The following FOXK2 variants were observed in gnomAD, a reference collection of about 807,000 sequenced individuals.
FOXK2 encodes the protein forkhead box K2, also known as forkhead box protein K2.
FOXK2 carries 24 observed loss-of-function variants against 53.3 expected under a neutral mutation model. That is an observed-to-expected ratio of 0.45 (90% CI 0.33 to 0.63). The LOEUF (loss-of-function observed/expected upper bound fraction) is 0.63, where lower values mean the gene tolerates loss of function less well. FOXK2 is among the 30% of genes least tolerant of loss of function. The pLI, the probability that FOXK2 is intolerant of heterozygous loss-of-function variation, is 0.03. For synonymous variants in FOXK2, 505 were observed against 407.1 expected (o/e 1.24, Z -2.89); for missense variants, 952 against 910.5 (o/e 1.05, Z -0.59).
In FOXK2 at chr17:82,584,086, C is replaced by A. The variant is rs1381400865; in HGVS notation, c.1177C>A (p.Leu393Met). Residue 393 changes from leucine (L) to methionine (M), a missense_variant, in exon 6 of 9, where the codon CTG becomes ATG. By Grantham distance (15) the Leu-to-Met change is conservative (BLOSUM62 2). Transcript: ENST00000335255. ...TAGTGGCGCCCAGACCCCTGAGAGCCTGTCGAGGGAAGGTTCGCCGGCCCC... is the reference window on the plus strand; with the variant it reads ...TAGTGGCGCCCAGACCCCTGAGAGCATGTCGAGGGAAGGTTCGCCGGCCCC... ...HSSGAQTPESLSREGSPAPLE... is the reference protein window; with the variant it reads ...HSSGAQTPESMSREGSPAPLE... 1.2e-6 allele frequency: 2 copies of A among 1,611,916 alleles called. No individual in the cohort carries two copies. Among genetic ancestry groups the A allele is most frequent in the South Asian group, 2.2e-5 (2 of 91,024 alleles).
chr17:82,544,152 AT>A (rs1161529064), intron 1 of FOXK2, among the ~76,000 whole-genome samples: 5 of 152,018 alleles, frequency 3.3e-5, no homozygotes, highest in Admixed American at 2.0e-4. Flanking sequence ...GGCTCAGTTG[AT>A]CCTCCCACTT....
At chr17:82,585,799 A>G in intron 6 of FOXK2, 105 bp from the exon 7 acceptor site, 2 of 1,153,674 alleles carry the variant, frequency 1.7e-6, no homozygotes, top group East Asian at 2.5e-5. Flanking sequence ...CATATCCTAT[A>G]TTTTAAATTA....
At chr17:82,574,692 C>A (rs539758571) in intron 4 of FOXK2, among the ~76,000 whole-genome samples, 1 of 152,336 alleles carries the variant, frequency 6.6e-6, no homozygotes, top group Admixed American at 6.5e-5. Flanking sequence ...ACGGGCTCTT[C>A]CTGTGCCATG....
At chr17:82,548,887 C>T (rs1460218235) in intron 1 of FOXK2, among the ~76,000 whole-genome samples, 1 of 152,096 alleles carries the variant, frequency 6.6e-6, no homozygotes, top group Non-Finnish European at 1.5e-5. Context: ...GGAGCGGTTG[C>T]GTCTCGATGC....
chr17:82,540,608 C>T (rs1269343662), intron 1 of FOXK2, among the ~76,000 whole-genome samples: 1 of 152,176 alleles, frequency 6.6e-6, no homozygotes, highest in African/African-American at 2.4e-5. Flanking sequence ...GTAACCCTTT[C>T]CTTCCTCCCA....
At chr17:82,574,771 A>T (rs983065547) in intron 4 of FOXK2, among the ~76,000 whole-genome samples, 10 of 152,198 alleles carry the variant, frequency 6.6e-5, no homozygotes, top group African/African-American at 2.4e-4. Flanking sequence ...GGCTTACAAC[A>T]AAAGCCAGGT....
Position 82,564,757 on chromosome 17 carries a change from G to A in FOXK2, c.614+1209G>A, listed in dbSNP as rs140837400. Reference sequence around the variant, plus strand: ...TGGTTTTTTTTTTTTTTGAGATGGAGTTTCACCCTTTTTGCCCAGGCTGGA... The same window carrying A: ...TGGTTTTTTTTTTTTTTGAGATGGAATTTCACCCTTTTTGCCCAGGCTGGA... On this transcript the variant is annotated intron_variant, in intron 2 of 8. Transcript: ENST00000335255. 8.2e-4 allele frequency among the ~76,000 whole-genome samples: 120 copies of A among 146,484 alleles called. 1 individual carries two copies. The highest frequency in any genetic ancestry group is 3.0e-3 in the African/African-American group (119 of 39,314).
rs1474273520 is a variant in FOXK2, at chr17:82,545,558, T to G, written c.420-17796T>G. On this transcript the variant is annotated intron_variant, in intron 1 of 8. Transcript: ENST00000335255. ...GCTGTTGTGAATATTCTTATAGTCT[T>G]TTTTTTGTTGTTGTTGGAAGGCTTT... is the stretch of plus-strand genomic sequence containing the variant. 3.3e-5 allele frequency among the ~76,000 whole-genome samples: 5 copies of G among 151,570 alleles called. No individual in the cohort carries two copies. In the Admixed American group the frequency reaches 3.3e-4, roughly 10 times the overall value.
At chr17:82,536,770 C>G (rs914494970) in intron 1 of FOXK2, among the ~76,000 whole-genome samples, 2 of 152,210 alleles carry the variant, frequency 1.3e-5, no homozygotes, top group African/African-American at 4.8e-5. Flanking sequence ...ACTGAGGCCT[C>G]TGAATGTCCT....
chr17:82,573,554 TCTCTCTCTCACA>T lies in FOXK2; in HGVS notation c.909+1686_909+1697del, dbSNP rs1478260368. On this transcript the variant is annotated intron_variant, in intron 4 of 8. Coordinates refer to ENST00000335255, the MANE Select transcript of FOXK2 (RefSeq NM_004514.4). ...CACACACACTCTCTCTCTCTCTCTC[TCTCTCTCTCACA>T]CACACACACACACACACACACACAC... is the stretch of plus-strand genomic sequence containing the variant. 1.9e-3 allele frequency among the ~76,000 whole-genome samples: 207 copies of T among 108,494 alleles called. 3 individuals are homozygous for T. In the South Asian group the frequency reaches 0.042, roughly 22 times the overall value. 71.2% of individuals were successfully genotyped at this position (108,494 alleles called of 152,430 possible).
intron 8 of FOXK2, among the ~76,000 whole-genome samples, chr17:82,591,924 G>T (rs969012962): frequency 6.6e-6 from 1 of 152,224 alleles, no homozygotes; most frequent in African/African-American, 2.4e-5. Context: ...GTTGTTTTGA[G>T]ATACTGTCTT....
Position 82,587,179 on chromosome 17 carries a change from C to G in FOXK2, c.1693C>G (p.Leu565Val), listed in dbSNP as rs1387096784. The change falls in exon 8 of 9, where the codon CTA (leucine) becomes GTA (valine). Residue 565 changes from leucine (L) to valine (V), a missense_variant. Leu to Val is a conservative substitution (Grantham distance 32, BLOSUM62 1). Transcript: ENST00000335255. ...QTVTIVQQAPLGQHQLPIKTV... is the reference protein window; with the variant it reads ...QTVTIVQQAPVGQHQLPIKTV... ...GGTGACCATAGTACAACAGGCACCTCTAGGTCAACACCAGCTACCAATAAA... is the reference window on the plus strand; with the variant it reads ...GGTGACCATAGTACAACAGGCACCTGTAGGTCAACACCAGCTACCAATAAA... 3 of 1,613,094 alleles carry G rather than the reference C, an allele frequency of 1.9e-6. No individual in the cohort carries two copies. The Admixed American group carries it at 5.0e-5, about 27-fold the overall frequency.
At chr17:82,521,613 A>G (rs2044362321) in intron 1 of FOXK2, among the ~76,000 whole-genome samples, 1 of 151,260 alleles carries the variant, frequency 6.6e-6, no homozygotes, top group African/African-American at 2.4e-5. Flanking sequence ...ATATTCCTTA[A>G]ACTTTGGTAG....
intron 1 of FOXK2, among the ~76,000 whole-genome samples, chr17:82,557,140 C>T (rs1054263490): frequency 1.3e-5 from 2 of 151,626 alleles, no homozygotes; most frequent in African/African-American, 4.8e-5. Flanking sequence ...TCAAGCAATT[C>T]TCCTGCCTCA....
chr17:82,581,478 G>GTTT (rs34849884), intron 4 of FOXK2, among the ~76,000 whole-genome samples: 7 of 134,092 alleles, frequency 5.2e-5, no homozygotes, highest in Non-Finnish European at 7.8e-5. Flanking sequence ...TTTTGTGTGG[G>GTTT]TTTTTTTTTT....
Position 82,568,294 on chromosome 17 carries a change from C to T in FOXK2, c.762+93C>T, listed in dbSNP as rs2044874845. The T allele has an allele frequency of 3.4e-6, 5 of 1,450,192 alleles. No homozygotes were observed. In the South Asian group the frequency reaches 3.6e-5, roughly 11 times the overall value. 89.8% of individuals were successfully genotyped at this position (1,450,192 alleles called of 1,614,324 possible). A position where few individuals can be genotyped will look rare whatever the true frequency, so the allele number is the denominator to read the frequency against. ...CCTGCCTGTCACTCACCTGCCTGTC[C>T]AGTGACAGCCCTGCCAGGGCATCGG... On this transcript the variant is annotated intron_variant, in intron 3 of 8. Transcript: ENST00000335255.
rs575852497 is a variant in FOXK2 at position 82,537,674 on chromosome 17, C to A, written c.419+17367C>A. 1.8e-3 allele frequency among the ~76,000 whole-genome samples: 270 copies of A among 149,516 alleles called. 1 individual carries two copies. The highest frequency in any genetic ancestry group is 3.6e-3 in the Middle Eastern group (1 of 274). On this transcript the variant is annotated intron_variant, in intron 1 of 8. Coordinates refer to ENST00000335255, the MANE Select transcript of FOXK2 (RefSeq NM_004514.4). ...GCACACGGTGGCTTATGCCTGTTTG[C>A]CAACACTTTTGGAGGCCGAGGCGGG...
chr17:82,589,227 C>T (rs1016117409), intron 8 of FOXK2, among the ~76,000 whole-genome samples: 1 of 152,168 alleles, frequency 6.6e-6, no homozygotes, highest in Admixed American at 6.5e-5. Flanking sequence ...ATACAGACAT[C>T]ATGAGATGTC....
At chr17:82,583,578 T>C (rs2045092466) in intron 5 of FOXK2, among the ~76,000 whole-genome samples, 1 of 152,242 alleles carries the variant, frequency 6.6e-6, no homozygotes, top group Non-Finnish European at 1.5e-5. Context: ...TTTAGCTGCT[T>C]AAGTTCGAGT....
Sources: allele counts gnomAD v4.1 joint callset (sites outside exome capture counted in the v4.1 genomes callset), GRCh38; gene constraint gnomAD v4.1.1; transcripts MANE v1.5; gene names NCBI Gene and HGNC (gene_info 2026-07-23, HGNC 2026-07-21).